The following NTN4 variants were observed in gnomAD, a reference collection of about 807,000 sequenced individuals.
NTN4 encodes the protein netrin 4.
Under a neutral mutation model 73.6 loss-of-function variants are expected in NTN4, and 32 were observed. The ratio of observed to expected loss-of-function variants is 0.44; its 90% CI spans 0.33 to 0.58. The LOEUF is 0.58. NTN4 is among the 20% of genes least tolerant of loss of function. NTN4 has a pLI of 0.04. For synonymous variants in NTN4, 258 were observed against 287.5 expected, an observed-to-expected ratio of 0.90 and a Z score of 1.04; for missense variants, 654 against 798.3, an observed-to-expected ratio of 0.82 and a Z score of 2.18.
rs182268976 is a variant in NTN4, at chr12:95,684,500, G to A, written c.1181-789C>T. ...ATTTTTTTTTTTTTGTAGAGGCAAGGTCTTGCTATGTTGCCCAGGCTGGTC... is the reference window on the plus strand; with the variant it reads ...ATTTTTTTTTTTTTGTAGAGGCAAGATCTTGCTATGTTGCCCAGGCTGGTC... On this transcript the variant is annotated intron_variant, in intron 5 of 9. Coordinates refer to ENST00000343702, the MANE Select transcript of NTN4 (RefSeq NM_021229.4). Among the ~76,000 whole-genome samples, 29 of 151,886 alleles carry A rather than the reference G, an allele frequency of 1.9e-4. No homozygotes were observed. In the East Asian group the frequency reaches 2.5e-3, roughly 13 times the overall value.
At chr12:95,667,155 T>C (rs759374857) in intron 8 of NTN4, among the ~76,000 whole-genome samples, 12 of 151,950 alleles carry the variant, frequency 7.9e-5, no homozygotes, top group South Asian at 2.1e-4. Context: ...TAAGGATCAC[T>C]GAGCTACTCA....
At chr12:95,712,638 G>A (rs1284344318) in intron 4 of NTN4, among the ~76,000 whole-genome samples, 1 of 152,006 alleles carries the variant, frequency 6.6e-6, no homozygotes, top group Non-Finnish European at 1.5e-5. Context: ...GTTTCCCTCT[G>A]TCACCCAGGC....
rs1359972617 is a variant in NTN4 at position 95,659,199 on chromosome 12, G to C, written c.1774C>G (p.His592Asp). Reference protein sequence around the residue: ...NPGLEYLVAGHEDIRTGKLIV... With the variant: ...NPGLEYLVAGDEDIRTGKLIV... ...AGTTTGCCTGTTCTTATATCCTCAT[G>C]TCCTGCTACAAGGTATTCCAAACCT... The change falls in exon 10 of 10, where the codon CAT (histidine) becomes GAT (aspartate). Residue 592 changes from histidine (H) to aspartate (D), a missense_variant. Transcript: ENST00000343702. 6.2e-6 allele frequency: 10 copies of C among 1,613,202 alleles called. No homozygotes were observed. The Admixed American group carries it at 1.5e-4, about 24-fold the overall frequency.
At chr12:95,709,690 T>C (rs975751256) in intron 5 of NTN4, among the ~76,000 whole-genome samples, 2 of 152,052 alleles carry the variant, frequency 1.3e-5, no homozygotes, top group Admixed American at 1.3e-4. Context: ...TACAGCACCA[T>C]ACCCAGCTAT....
intron 2 of NTN4, among the ~76,000 whole-genome samples, chr12:95,741,467 A>ATATATCTATATC (rs2078825872): frequency 2.8e-5 from 3 of 108,688 alleles, no homozygotes; most frequent in African/African-American, 1.0e-4. Context: ...ATATATATAT[A>ATATATCTATATC]TATATATCTC....
At chr12:95,756,788 T>C (rs530339206) in intron 2 of NTN4, among the ~76,000 whole-genome samples, 1 of 152,118 alleles carries the variant, frequency 6.6e-6, no homozygotes, top group Admixed American at 6.5e-5. Context: ...AGAACCCCTT[T>C]CTGTTCCTGG....
At chr12:95,774,365 T>C (rs2079077589) in intron 2 of NTN4, among the ~76,000 whole-genome samples, 1 of 152,322 alleles carries the variant, frequency 6.6e-6, no homozygotes, top group South Asian at 2.1e-4. Context: ...ATATTGGTGC[T>C]TAACTAAGGA....
intron 2 of NTN4, among the ~76,000 whole-genome samples, chr12:95,783,767 C>T (rs2079148352): frequency 6.6e-6 from 1 of 152,206 alleles, no homozygotes. Flanking sequence ...AGCCATACCC[C>T]ATTCTTTGAA....
chr12:95,704,045 C>T (rs542318379), intron 5 of NTN4, among the ~76,000 whole-genome samples: 3 of 151,420 alleles, frequency 2.0e-5, no homozygotes, highest in Non-Finnish European at 4.4e-5. Context: ...CCTCCCTCCT[C>T]AGCCTCCTGA....
At chr12:95,683,227 T>C (rs1433523636) in intron 6 of NTN4, among the ~76,000 whole-genome samples, 1 of 152,030 alleles carries the variant, frequency 6.6e-6, no homozygotes, top group Admixed American at 6.5e-5. Flanking sequence ...GCCCAGCTAA[T>C]TTTTTTGTAT....
intron 2 of NTN4, among the ~76,000 whole-genome samples, chr12:95,774,746 T>C (rs1284652227): frequency 5.3e-5 from 8 of 152,212 alleles, no homozygotes; most frequent in Non-Finnish European, 7.3e-5. Context: ...AATACTTGGA[T>C]CTTGAAAGGC....
At chr12:95,667,224 C>G (rs1175890156) in intron 8 of NTN4, among the ~76,000 whole-genome samples, 1 of 147,234 alleles carries the variant, frequency 6.8e-6, no homozygotes, top group African/African-American at 2.5e-5. Context: ...GAGTCTTGCT[C>G]TGTCATCCAG....
At chr12:95,662,235 C>CA (rs1555213005) in intron 9 of NTN4, among the ~76,000 whole-genome samples, 1 of 118,388 alleles carries the variant, frequency 8.4e-6, no homozygotes, top group Non-Finnish European at 1.7e-5. Context: ...CTTTTTCTTT[C>CA]TTTTTTTTTT....
At chr12:95,663,384 C>T (rs941628261) in intron 9 of NTN4, 1 of 152,172 alleles carries the variant, frequency 6.6e-6, no homozygotes, top group Non-Finnish European at 1.5e-5. Flanking sequence ...TTGACATCTA[C>T]TTTGCTACAC....
intron 7 of NTN4, among the ~76,000 whole-genome samples, chr12:95,676,411 G>GT (rs932488490): frequency 6.7e-6 from 1 of 148,988 alleles, no homozygotes; most frequent in Admixed American, 6.7e-5. Context: ...CCAGCCCCGG[G>GT]TAAAAAAAAA....
intron 2 of NTN4, among the ~76,000 whole-genome samples, chr12:95,772,584 A>C (rs932045045): frequency 6.6e-6 from 1 of 152,180 alleles, no homozygotes; most frequent in African/African-American, 2.4e-5. Context: ...CTCATACTTA[A>C]CGTGTCTGAA....
At chr12:95,686,222 T>G (rs1260976162) in intron 5 of NTN4, among the ~76,000 whole-genome samples, 2 of 152,160 alleles carry the variant, frequency 1.3e-5, no homozygotes, top group Non-Finnish European at 2.9e-5. Context: ...GGACCTATGT[T>G]TATCTGAGAA....
intron 5 of NTN4, among the ~76,000 whole-genome samples, chr12:95,685,913 G>T (rs2078357469): frequency 1.3e-5 from 2 of 151,728 alleles, no homozygotes; most frequent in African/African-American, 4.8e-5. Context: ...TTTAGAGAAG[G>T]TTTCACTCTG....
intron 3 of NTN4, among the ~76,000 whole-genome samples, chr12:95,736,546 G>T (rs1288970953): frequency 1.3e-5 from 2 of 152,126 alleles, no homozygotes; most frequent in African/African-American, 2.4e-5. Context: ...AGTCTGGTAG[G>T]TTGACATGTC....
Sources: allele counts gnomAD v4.1 joint callset (sites outside exome capture counted in the v4.1 genomes callset), GRCh38; gene constraint gnomAD v4.1.1; transcripts MANE v1.5; gene names NCBI Gene and HGNC (gene_info 2026-07-23, HGNC 2026-07-21).